Variants in DCC observed in about 807,000 individuals in gnomAD.
The protein encoded by DCC is netrin receptor DCC.
DCC carries 58 observed loss-of-function variants against 172.5 expected under a neutral mutation model. The observed-to-expected ratio is 0.34, with a 90% CI of 0.27 to 0.42. DCC has a LOEUF of 0.42. Ranked by LOEUF, DCC falls within the 10% of genes least tolerant of loss-of-function variation. The probability of loss-of-function intolerance (pLI) is 1.00; values close to 1 mark genes in which losing one functional copy is unlikely to be tolerated. For synonymous variants in DCC, 709 were observed against 644.5 expected (o/e 1.10, Z -1.52); for missense variants, 1,740 against 1,791.0 (o/e 0.97, Z 0.51).
intron 5 of DCC, among the ~76,000 whole-genome samples, chr18:52,972,933 A>G (rs1174341861): frequency 6.6e-6 from 1 of 152,242 alleles, no homozygotes; most frequent in Non-Finnish European, 1.5e-5. Context: ...TGAGCTGTGC[A>G]GTCTGCAGCC....
intron 2 of DCC, among the ~76,000 whole-genome samples, chr18:52,898,379 G>A (rs1054841724): frequency 2.6e-5 from 4 of 152,210 alleles, no homozygotes; most frequent in Non-Finnish European, 5.9e-5. Context: ...CTGGGGGTGT[G>A]TGGGTGGAGG....
chr18:52,813,169 C>T (rs2038231392), intron 2 of DCC, among the ~76,000 whole-genome samples: 1 of 151,198 alleles, frequency 6.6e-6, no homozygotes, highest in Non-Finnish European at 1.5e-5. Flanking sequence ...TATCACAATT[C>T]CAGGAAAAAT....
intron 13 of DCC, among the ~76,000 whole-genome samples, chr18:53,310,410 T>C (rs1237193045): frequency 6.6e-6 from 1 of 152,140 alleles, no homozygotes; most frequent in Non-Finnish European, 1.5e-5. Context: ...ATGTTATAAA[T>C]ATTCAGGTGT....
At chr18:52,991,763 T>C (rs935928078) in intron 5 of DCC, among the ~76,000 whole-genome samples, 19 of 152,276 alleles carry the variant, frequency 1.2e-4, no homozygotes, top group African/African-American at 4.3e-4. Context: ...TGCTATTCAG[T>C]CTAACATCAC....
At chr18:52,736,164 G>A (rs1331812590) in intron 1 of DCC, among the ~76,000 whole-genome samples, 4 of 151,792 alleles carry the variant, frequency 2.6e-5, no homozygotes, top group African/African-American at 7.3e-5. Context: ...ACCTTGGTCA[G>A]GACAGTTAAC....
intron 1 of DCC, among the ~76,000 whole-genome samples, chr18:52,725,707 G>A (rs1568065730): frequency 6.6e-6 from 1 of 152,142 alleles, no homozygotes; most frequent in South Asian, 2.1e-4. Flanking sequence ...CAACAAGGTC[G>A]ATGATTTTGA....
At chr18:53,406,462 TGA>T (rs1046107855) in intron 19 of DCC, among the ~76,000 whole-genome samples, 1 of 151,348 alleles carries the variant, frequency 6.6e-6, no homozygotes, top group Non-Finnish European at 1.5e-5. Context: ...CCCAGCACTT[TGA>T]GAGACCAAGG....
At chr18:53,465,420 T>G (rs1001838440) in intron 24 of DCC, among the ~76,000 whole-genome samples, 1 of 152,190 alleles carries the variant, frequency 6.6e-6, no homozygotes, top group Admixed American at 6.5e-5. Context: ...CTTCTGGCCT[T>G]CATGATTCCT....
chr18:52,610,492 AGACT>A (rs1165407228), intron 1 of DCC, among the ~76,000 whole-genome samples: 1 of 150,696 alleles, frequency 6.6e-6, no homozygotes, highest in African/African-American at 2.4e-5. Context: ...ATACTGGGTA[AGACT>A]GACCATAAAA....
At chr18:52,903,145 T>A (rs1177783555) in intron 2 of DCC, among the ~76,000 whole-genome samples, 2 of 152,228 alleles carry the variant, frequency 1.3e-5, no homozygotes, top group Non-Finnish European at 2.9e-5. Context: ...AGAACCTACT[T>A]GCAAATACAT....
At chr18:52,427,839 C>CCTTCCTTT (rs1280763715) in intron 1 of DCC, among the ~76,000 whole-genome samples, 541 of 52,824 alleles carry the variant, frequency 0.01, 3 homozygotes, top group African/African-American at 0.024. Flanking sequence ...TTCCTTTCTT[C>CCTTCCTTT]CTTCCTTCCT....
intron 1 of DCC, among the ~76,000 whole-genome samples, chr18:52,588,695 A>G (rs2033731257): frequency 6.6e-6 from 1 of 152,004 alleles, no homozygotes; most frequent in South Asian, 2.1e-4. Flanking sequence ...AAAGATGCCC[A>G]TAAAGAGGGA....
chr18:53,500,238 A>G (rs2046080122), intron 27 of DCC, among the ~76,000 whole-genome samples: 1 of 152,132 alleles, frequency 6.6e-6, no homozygotes, highest in Non-Finnish European at 1.5e-5. Flanking sequence ...CAGAGACAGA[A>G]GAAGGAGGAG....
In DCC at chr18:52,895,786, G is replaced by GT. The variant is rs972112727; in HGVS notation, c.413-10251dup. ...CTAGAAGAAAAATTGAGTTAAATTG[G>GT]TTTTTTTGTTTGTTTTGGGACAGAC... On this transcript the variant is annotated intron_variant, in intron 2 of 28. Transcript: ENST00000442544. 1.1e-4 allele frequency among the ~76,000 whole-genome samples: 17 copies of GT among 151,898 alleles called. No homozygotes were observed. The East Asian group carries it at 1.4e-3, about 12-fold the overall frequency.
intron 5 of DCC, among the ~76,000 whole-genome samples, chr18:53,023,596 A>T (rs1239333019): frequency 4.6e-5 from 7 of 151,984 alleles, no homozygotes; most frequent in African/African-American, 1.7e-4. Flanking sequence ...GAGGAAAAAC[A>T]AAATCTGGAC....
At chr18:52,766,686 T>C (rs550284475) in intron 2 of DCC, among the ~76,000 whole-genome samples, 1 of 152,052 alleles carries the variant, frequency 6.6e-6, no homozygotes, top group East Asian at 1.9e-4. Flanking sequence ...CGGCTGCTTC[T>C]CCCCTCTGCT....
chr18:52,386,718 T>C (rs1568144670), intron 1 of DCC, among the ~76,000 whole-genome samples: 1 of 152,070 alleles, frequency 6.6e-6, no homozygotes, highest in Non-Finnish European at 1.5e-5. Context: ...TTTTAGAAAT[T>C]AGGGAAAGAG....
intron 1 of DCC, among the ~76,000 whole-genome samples, chr18:52,547,356 A>G (rs2144716052): frequency 6.6e-6 from 1 of 152,260 alleles, no homozygotes; most frequent in South Asian, 2.1e-4. Flanking sequence ...AAGGAGGAAA[A>G]TATGTTTATC....
intron 7 of DCC, among the ~76,000 whole-genome samples, chr18:53,103,410 A>G (rs1045219920): frequency 3.9e-5 from 6 of 152,106 alleles, no homozygotes; most frequent in Admixed American, 3.3e-4. Flanking sequence ...TTTTTCTTGA[A>G]GCCTATGCTG....
Sources: allele counts gnomAD v4.1 joint callset (sites outside exome capture counted in the v4.1 genomes callset), GRCh38; gene constraint gnomAD v4.1.1; transcripts MANE v1.5; gene names NCBI Gene and HGNC (gene_info 2026-07-23, HGNC 2026-07-21).